ADAMTS6: variants seen among roughly 807,000 people sequenced by gnomAD.
The protein encoded by ADAMTS6 is A disintegrin and metalloproteinase with thrombospondin motifs 6.
A neutral mutation model predicts 144.3 loss-of-function variants in ADAMTS6; 23 were observed. The observed-to-expected ratio is 0.16, with a 90% CI of 0.11 to 0.23. The LOEUF (loss-of-function observed/expected upper bound fraction) is 0.23. ADAMTS6 is among the 10% of genes least tolerant of loss of function. The pLI, the probability that ADAMTS6 is intolerant of heterozygous loss-of-function variation, is 1.00. For synonymous variants in ADAMTS6, 444 were observed against 457.5 expected (o/e 0.97, Z 0.38); for missense variants, 999 against 1,379.6 (o/e 0.72, Z 4.37).
intron 7 of ADAMTS6, among the ~76,000 whole-genome samples, chr5:65,426,840 C>T (rs4700081): frequency 0.061 from 9,227 of 151,596 alleles, 380 homozygotes; most frequent in African/African-American, 0.098. Context: ...TCTAATGCTG[C>T]AAAACATCTA....
At chr5:65,244,321 G>A (rs955783679) in intron 14 of ADAMTS6, among the ~76,000 whole-genome samples, 2 of 152,108 alleles carry the variant, frequency 1.3e-5, no homozygotes, top group East Asian at 3.9e-4. Context: ...ATAAGCACTG[G>A]TACATTAAAA....
intron 14 of ADAMTS6, among the ~76,000 whole-genome samples, chr5:65,245,065 G>A (rs1759511436): frequency 6.6e-6 from 1 of 152,070 alleles, no homozygotes; most frequent in Admixed American, 6.6e-5. Context: ...CTATAAACTG[G>A]GGGTAATACT....
chr5:65,398,437 A>G (rs1753536136), intron 7 of ADAMTS6, among the ~76,000 whole-genome samples: 1 of 152,166 alleles, frequency 6.6e-6, no homozygotes, highest in Non-Finnish European at 1.5e-5. Context: ...AGAAATTAAT[A>G]CAGCTGGCCG....
chr5:65,439,131 CA>C (rs1041573415), intron 7 of ADAMTS6, among the ~76,000 whole-genome samples: 1 of 125,982 alleles, frequency 7.9e-6, no homozygotes, highest in African/African-American at 3.1e-5. Flanking sequence ...AGGAAACCTC[CA>C]AATCTGTATT....
chr5:65,450,994 T>C (rs975863654), intron 7 of ADAMTS6, among the ~76,000 whole-genome samples: 9 of 152,196 alleles, frequency 5.9e-5, no homozygotes, highest in Non-Finnish European at 1.2e-4. Context: ...TCTTAAAGTA[T>C]TTCAAATTAA....
intron 7 of ADAMTS6, among the ~76,000 whole-genome samples, chr5:65,426,844 A>T (rs1256812232): frequency 3.3e-5 from 5 of 152,168 alleles, no homozygotes; most frequent in Admixed American, 3.3e-4. Context: ...ATGCTGCAAA[A>T]CATCTAGTAT....
chr5:65,262,809 C>T lies in ADAMTS6; in HGVS notation c.1766+8G>A. On this transcript the variant is annotated splice_region_variant and intron_variant, in intron 13 of 24. Coordinates refer to ENST00000381055, the MANE Select transcript of ADAMTS6 (RefSeq NM_197941.4). ...TTTTGTTGGCTCCGGCTTACTTTAG[C>T]TACTTACGCTGGACTGTCACAGTGT... 1 of 1,492,360 alleles carries T rather than the reference C, an allele frequency of 6.7e-7. No individual in the cohort carries two copies. The highest frequency in any genetic ancestry group is 8.9e-7 in the Non-Finnish European group (1 of 1,124,890). The allele number at this position is 1,492,360 out of a possible 1,614,324, so 92.4% of individuals were successfully genotyped here.
intron 14 of ADAMTS6, among the ~76,000 whole-genome samples, chr5:65,255,758 AT>A (rs1189739270): frequency 2.0e-5 from 3 of 152,074 alleles, no homozygotes; most frequent in East Asian, 3.9e-4. Context: ...TAAAAAAAAA[AT>A]CTTACTGAGC....
chr5:65,442,086 C>A (rs1221522410), intron 7 of ADAMTS6, among the ~76,000 whole-genome samples: 3 of 130,370 alleles, frequency 2.3e-5, no homozygotes, highest in Non-Finnish European at 1.7e-5. Context: ...AAACAGAAAA[C>A]AGAAAAATGA....
At chr5:65,423,629 TTTC>T (rs1305067148) in intron 7 of ADAMTS6, among the ~76,000 whole-genome samples, 1 of 152,070 alleles carries the variant, frequency 6.6e-6, no homozygotes, top group African/African-American at 2.4e-5. Flanking sequence ...GATAAAATAT[TTTC>T]TTCTTTTTTT....
intron 18 of ADAMTS6, among the ~76,000 whole-genome samples, chr5:65,219,827 T>A (rs181935317): frequency 2.0e-5 from 3 of 152,296 alleles, no homozygotes; most frequent in Non-Finnish European, 4.4e-5. Flanking sequence ...TCAAAATAAA[T>A]GAAGCAAAAA....
intron 20 of ADAMTS6, among the ~76,000 whole-genome samples, chr5:65,199,275 C>T (rs1373285615): frequency 6.6e-6 from 1 of 152,098 alleles, no homozygotes; most frequent in African/African-American, 2.4e-5. Context: ...GTGGCAGAAA[C>T]ATTAATTCAG....
rs1223614452 is a variant in ADAMTS6, at chr5:65,269,036, A to C, written c.1620+4304T>G. The stretch of plus-strand genomic sequence containing the variant: ...AGAGTAGTTTTGAAACTCAGAGTTA[A>C]GACCAGAGGTTGTGAATATTTCATC... On this transcript the variant is annotated intron_variant, in intron 12 of 24. Coordinates refer to ENST00000381055, the MANE Select transcript of ADAMTS6 (RefSeq NM_197941.4). Among the ~76,000 whole-genome samples, 12 of 152,282 alleles carry C rather than the reference A, an allele frequency of 7.9e-5. No individual in the cohort carries two copies. In the South Asian group the frequency reaches 2.1e-3, roughly 26 times the overall value.
At chr5:65,360,559 A>G (rs1749731470) in intron 7 of ADAMTS6, among the ~76,000 whole-genome samples, 1 of 152,220 alleles carries the variant, frequency 6.6e-6, no homozygotes, top group South Asian at 2.1e-4. Context: ...GAGCTGAGGA[A>G]AAAACAAGAA....
chr5:65,329,613 C>T (rs1266836764), intron 8 of ADAMTS6, 130 bp from the exon 9 acceptor site: 2 of 705,400 alleles, frequency 2.8e-6, no homozygotes, highest in Non-Finnish European at 4.4e-6. Flanking sequence ...AAAAGGTTAA[C>T]TTTCTAGTCA....
chr5:65,209,429 T>C (rs1460166641), intron 20 of ADAMTS6, among the ~76,000 whole-genome samples: 1 of 152,184 alleles, frequency 6.6e-6, no homozygotes. Context: ...ATCTCAAAAA[T>C]CACACATATA....
At chr5:65,343,390 C>T (rs957680727) in intron 7 of ADAMTS6, among the ~76,000 whole-genome samples, 10 of 152,018 alleles carry the variant, frequency 6.6e-5, no homozygotes, top group Admixed American at 2.6e-4. Flanking sequence ...AATTAATCCA[C>T]GTATATACGG....
rs1008508069 is a variant in ADAMTS6, at chr5:65,396,338, A to T, written c.1073+55137T>A. Reference sequence around the variant, plus strand: ...AGAATGCTGTGACAGTCTTCATCTAAATTCAGAAAGAAACTTTAAAATAAA... The same window carrying T: ...AGAATGCTGTGACAGTCTTCATCTATATTCAGAAAGAAACTTTAAAATAAA... On this transcript the variant is annotated intron_variant, in intron 7 of 24. Coordinates refer to ENST00000381055, the MANE Select transcript of ADAMTS6 (RefSeq NM_197941.4). 2.0e-5 allele frequency among the ~76,000 whole-genome samples: 3 copies of T among 152,170 alleles called. No individual in the cohort carries two copies. The East Asian group carries it at 5.8e-4, about 29-fold the overall frequency.
chr5:65,420,704 A>G (rs1398856396), intron 7 of ADAMTS6, among the ~76,000 whole-genome samples: 3 of 152,206 alleles, frequency 2.0e-5, no homozygotes, highest in Non-Finnish European at 4.4e-5. Context: ...AAAGGAAAAG[A>G]AAGAAAAAGG....
Sources: allele counts gnomAD v4.1 joint callset (sites outside exome capture counted in the v4.1 genomes callset), GRCh38; gene constraint gnomAD v4.1.1; transcripts MANE v1.5; gene names NCBI Gene and HGNC (gene_info 2026-07-23, HGNC 2026-07-21).